MYH13: variants seen among roughly 807,000 people sequenced by gnomAD.
The protein encoded by MYH13 is myosin-13.
In MYH13, 177 loss-of-function variants were observed where a neutral mutation model predicts 232.1. The observed-to-expected ratio is 0.76, with a 90% CI of 0.67 to 0.86. The LOEUF is 0.86. MYH13 is among the 40% of genes least tolerant of loss of function. The pLI, the probability that MYH13 is intolerant of heterozygous loss-of-function variation, is 0.00. For synonymous variants in MYH13, 884 were observed against 923.5 expected, an observed-to-expected ratio of 0.96 and a Z score of 0.78; for missense variants, 2,246 against 2,405.9, an observed-to-expected ratio of 0.93 and a Z score of 1.39.
chr17:10,345,501 C>T lies in MYH13; in HGVS notation c.1379G>A (p.Gly460Glu), dbSNP rs1171395671. The T allele has an allele frequency of 6.2e-7, 1 of 1,614,034 alleles. No individual in the cohort carries two copies. Among genetic ancestry groups the T allele is most frequent in the Non-Finnish European group, 8.5e-7 (1 of 1,180,036 alleles). Reference sequence around the variant, plus strand: ...CTCAAAGCCAGCAATGTCCAAGACCCCGATGAAGTACTGCCTGGGCTGCTT... The same window carrying T: ...CTCAAAGCCAGCAATGTCCAAGACCTCGATGAAGTACTGCCTGGGCTGCTT... ...DTKQPRQYFI[G>E]VLDIAGFEIF... The change falls in exon 14 of 41, where the codon GGG becomes GAG. Residue 460 changes from glycine (G) to glutamate (E), a missense_variant. Coordinates refer to ENST00000252172, the MANE Select transcript of MYH13 (RefSeq NM_003802.3).
At position 10,321,691 on chromosome 17, in the gene MYH13, T is replaced by C. The variant is rs756110906; in HGVS notation, c.2952A>G (p.Glu984=). The change falls in exon 24 of 41, where the codon GAA becomes GAG. Residue 984 remains glutamate (E), a synonymous_variant. Coordinates refer to ENST00000252172, the MANE Select transcript of MYH13 (RefSeq NM_003802.3). Reference sequence around the variant, plus strand: ...TGTTTTCTTCAAGTGCTGTCATTTCTTCGGAAAGATTCTTTACCTGGGACA... The same window carrying C: ...TGTTTTCTTCAAGTGCTGTCATTTCCTCGGAAAGATTCTTTACCTGGGACA... The part of the protein sequence containing the change: ...ATENKVKNLS[E]EMTALEENIS... 1 of 1,612,730 alleles carries C rather than the reference T, an allele frequency of 6.2e-7. No homozygotes were observed. Among genetic ancestry groups the C allele is most frequent in the Non-Finnish European group, 8.5e-7 (1 of 1,179,396 alleles).
In MYH13 at chr17:10,311,197, G is replaced by A. The variant is rs777192178; in HGVS notation, c.4562C>T (p.Ala1521Val). ...TTCCTGAAGATTCTTGCCAGTTTCT[G>A]CAATCTGCTCAGTTAAGTCGGAAAT... is the stretch of plus-strand genomic sequence containing the variant. ...EEISDLTEQI[A>V]ETGKNLQEAE... is the part of the protein sequence containing the mutation. Residue 1521 changes from alanine to valine, a missense_variant, in exon 33 of 41, where the codon GCA becomes GTA. Physicochemically the swap from Ala to Val is moderately conservative, Grantham distance 64. Transcript: ENST00000252172. 6.2e-7 allele frequency: 1 copy of A among 1,614,024 alleles called. No homozygotes were observed. The highest frequency in any genetic ancestry group is 1.1e-5 in the South Asian group (1 of 91,084).
intron 35 of MYH13, 53 bp downstream of exon 35, chr17:10,309,181 G>A: frequency 1.9e-6 from 3 of 1,555,132 alleles, no homozygotes; most frequent in South Asian, 1.2e-5. Flanking sequence ...CGGTGCAGGA[G>A]GCGCTATCTG....
chr17:10,355,405 G>T (rs1412374712), intron 8 of MYH13, among the ~76,000 whole-genome samples: 1 of 152,070 alleles, frequency 6.6e-6, no homozygotes, highest in African/African-American at 2.4e-5. Context: ...TAGTATCCCT[G>T]GATTTCAGTT....
chr17:10,328,242 C>G, intron 21 of MYH13, 121 bp from the exon 22 acceptor site: 1 of 1,132,034 alleles, frequency 8.8e-7, no homozygotes, highest in Non-Finnish European at 1.3e-6. Flanking sequence ...GAGGTGCAGC[C>G]AAGCTTGGCA....
intron 23 of MYH13, among the ~76,000 whole-genome samples, chr17:10,323,741 C>T (rs975191836): frequency 2.6e-5 from 3 of 113,274 alleles, no homozygotes; most frequent in Non-Finnish European, 3.3e-5. Context: ...TCTGCCTGGG[C>T]AACAGAGCAA....
chr17:10,309,672 C>T lies in MYH13; in HGVS notation c.4815G>A (p.Leu1605=), dbSNP rs1350074910. The T allele has an allele frequency of 1.2e-6, 2 of 1,610,404 alleles. No individual in the cohort carries two copies. Among genetic ancestry groups the T allele is most frequent in the Non-Finnish European group, 8.5e-7 (1 of 1,178,298 alleles). The change falls in exon 34 of 41, where the codon CTG becomes CTA. Residue 1605 remains leucine (L), a synonymous_variant. Transcript: ENST00000252172. The part of the protein sequence containing the change: ...QRAAEALQSV[L]DAEIRSRNDA... The stretch of plus-strand genomic sequence containing the variant: ...CGTTCCGGCTGCGGATTTCAGCATC[C>T]AGCACGCTCTGCAGGGCCTCTGCTG...
chr17:10,346,308 G>A (rs2071666146), intron 13 of MYH13, among the ~76,000 whole-genome samples: 1 of 152,142 alleles, frequency 6.6e-6, no homozygotes, highest in Non-Finnish European at 1.5e-5. Context: ...CTCAGGGTGA[G>A]GCTGGAAACA....
At chr17:10,331,730 C>T (rs939544311) in intron 20 of MYH13, among the ~76,000 whole-genome samples, 2 of 152,120 alleles carry the variant, frequency 1.3e-5, no homozygotes, top group South Asian at 2.1e-4. Context: ...TGAACCACTG[C>T]GCCCCGCTTG....
Position 10,345,221 on chromosome 17 carries a change from C to T in MYH13, c.1565G>A (p.Cys522Tyr). The change falls in exon 15 of 41, where the codon TGC (cysteine) becomes TAC (tyrosine). Residue 522 changes from cysteine to tyrosine, a missense_variant. Coordinates refer to ENST00000252172, the MANE Select transcript of MYH13 (RefSeq NM_003802.3). ...FIDFGMDLAACIELIEKPMGI... is the reference protein window; with the variant it reads ...FIDFGMDLAAYIELIEKPMGI... ...CTCTACCTTCTCGATGAGCTCGATG[C>T]AGGCAGCCAGGTCCATTCCGAAGTC... 1 of 1,614,144 alleles carries T rather than the reference C, an allele frequency of 6.2e-7. No individual in the cohort carries two copies. Among genetic ancestry groups the T allele is most frequent in the Non-Finnish European group, 8.5e-7 (1 of 1,180,002 alleles).
chr17:10,328,680 T>G (rs1301534300), intron 21 of MYH13, among the ~76,000 whole-genome samples: 2 of 32,430 alleles, frequency 6.2e-5, no homozygotes, highest in Non-Finnish European at 2.4e-4. Flanking sequence ...TTCTATTCGT[T>G]TTTTTTTTTT....
chr17:10,321,810 T>G (rs1906949974), intron 23 of MYH13, 102 bp from the exon 24 acceptor site: 1 of 1,073,544 alleles, frequency 9.3e-7, no homozygotes, highest in Non-Finnish European at 1.3e-6. Flanking sequence ...TTTTCCCTTT[T>G]CTTTTTGGCT....
Position 10,366,381 on chromosome 17 carries a change from G to GTTTTTTTTTTTTTTTTTTTTTTTTTT in MYH13, c.-12-1840_-12-1839insAAAAAAAAAAAAAAAAAAAAAAAAAA, listed in dbSNP as rs56798899. Among the ~76,000 whole-genome samples, 5 of 112,640 alleles carry GTTTTTTTTTTTTTTTTTTTTTTTTTT rather than the reference G, an allele frequency of 4.4e-5. 1 individual carries two copies. Among genetic ancestry groups the GTTTTTTTTTTTTTTTTTTTTTTTTTT allele is most frequent in the Admixed American group, 9.5e-5 (1 of 10,514 alleles). The allele number at this position is 112,640 out of a possible 152,430, so 73.9% of individuals were successfully genotyped here. ...CATATCTCTCTTAAGAAATAAATCTGTTTTTTTTTTTTTTTTTGAGATGGA... is the reference window on the plus strand; with the variant it reads ...CATATCTCTCTTAAGAAATAAATCTGTTTTTTTTTTTTTTTTTTTTTTTTTTTTTTTTTTTTTTTTTTTGAGATGGA... On this transcript the variant is annotated intron_variant, in intron 2 of 40. Coordinates refer to ENST00000252172, the MANE Select transcript of MYH13 (RefSeq NM_003802.3).
Position 10,345,292 on chromosome 17 carries a change from C to T in MYH13, c.1494G>A (p.Leu498=), listed in dbSNP as rs892825877. ...QQFFNHHMFV[L]EQEEYKKEGI... ...CTTCCTTCTTGTACTCTTCCTGCTC[C>T]AGCACGAACATGTGGTGGTTGAAAA... is the stretch of plus-strand genomic sequence containing the variant. Residue 498 remains leucine, a synonymous_variant, in exon 15 of 41, where the codon CTG becomes CTA. Coordinates refer to ENST00000252172, the MANE Select transcript of MYH13 (RefSeq NM_003802.3). The T allele has an allele frequency of 4.3e-6, 7 of 1,614,034 alleles. No homozygotes were observed. The East Asian group carries it at 6.7e-5, about 15-fold the overall frequency.
chr17:10,322,359 C>G (rs961885650), intron 23 of MYH13, among the ~76,000 whole-genome samples: 9 of 152,128 alleles, frequency 5.9e-5, no homozygotes, highest in Admixed American at 5.2e-4. Context: ...GATTGCACCA[C>G]TGCACTCTAG....
intron 27 of MYH13, chr17:10,317,763 A>G (rs1371148574): frequency 6.6e-6 from 1 of 152,196 alleles, no homozygotes; most frequent in Non-Finnish European, 1.5e-5. Flanking sequence ...TGGGAGCTGC[A>G]GAAGGTTCAA....
Position 10,362,431 on chromosome 17 carries a change from T to G in MYH13, c.277A>C (p.Met93Leu). Residue 93 changes from methionine (M) to leucine (L), a missense_variant, in exon 4 of 41, where the codon ATG becomes CTG. Met to Leu is a conservative substitution (Grantham distance 15). Transcript: ENST00000252172. ...GCAGGTTCATGCAGGTGAGTCATCATGGCCATGTCCTCGATCTTGTCAAAT... is the reference window on the plus strand; with the variant it reads ...GCAGGTTCATGCAGGTGAGTCATCAGGGCCATGTCCTCGATCTTGTCAAAT... Reference protein sequence around the residue: ...PKFDKIEDMAMMTHLHEPAVL... With the variant: ...PKFDKIEDMALMTHLHEPAVL... 3 of 1,614,212 alleles carry G rather than the reference T, an allele frequency of 1.9e-6. No homozygotes were observed. Among genetic ancestry groups the G allele is most frequent in the Non-Finnish European group, 2.5e-6 (3 of 1,180,040 alleles).
In MYH13 at chr17:10,309,913, G is replaced by C. The variant is rs762961904; in HGVS notation, c.4657-83C>G. ...TATTTTCATCCCCATACGATCAAATGGGTATGCGTTTTTTTAAAAAAATTA... is the reference window on the plus strand; with the variant it reads ...TATTTTCATCCCCATACGATCAAATCGGTATGCGTTTTTTTAAAAAAATTA... On this transcript the variant is annotated intron_variant, in intron 33 of 40. Transcript: ENST00000252172. 2.6e-6 allele frequency: 3 copies of C among 1,150,292 alleles called. No homozygotes were observed. The South Asian group carries it at 6.6e-5, about 25-fold the overall frequency. The allele number at this position is 1,150,292 out of a possible 1,614,324, so 71.3% of individuals were successfully genotyped here.
intron 11 of MYH13, among the ~76,000 whole-genome samples, chr17:10,353,814 C>T (rs945207373): frequency 4.6e-5 from 7 of 151,690 alleles, no homozygotes; most frequent in South Asian, 4.2e-4. Context: ...CGGAGGTTGC[C>T]GTGAGCTGAG....
Sources: gnomAD v4.1 joint callset for allele counts (sites outside exome capture counted in the v4.1 genomes callset) on GRCh38, gnomAD v4.1.1 for gene constraint, MANE v1.5 for transcripts, NCBI Gene and HGNC (gene_info 2026-07-23, HGNC 2026-07-21) for gene names.